The following CEACAM3 variants were observed in gnomAD, a reference collection of about 807,000 sequenced individuals.
The protein encoded by CEACAM3 is CEA cell adhesion molecule 3.
In CEACAM3, 32 loss-of-function variants were observed where a neutral mutation model predicts 30.1. That is an observed-to-expected ratio of 1.06 (90% CI 0.80 to 1.43). The LOEUF (loss-of-function observed/expected upper bound fraction) is 1.43. Among genes scored for constraint, CEACAM3 ranks in the 40% most tolerant of loss-of-function variants. The pLI is 0.00. For missense variants in CEACAM3, 290 were observed against 316.3 expected, an observed-to-expected ratio of 0.92 and a Z score of 0.63; for synonymous variants, 134 against 127.2, an observed-to-expected ratio of 1.05 and a Z score of -0.36.
chr19:41,810,366 C>T lies in CEACAM3; in HGVS notation c.627+12C>T. 6.3e-7 allele frequency: 1 copy of T among 1,595,574 alleles called. No individual in the cohort carries two copies. The highest frequency in any genetic ancestry group is 8.5e-7 in the Non-Finnish European group (1 of 1,171,438). ...GCTCTGCCTTCTCGGTAAGCCTGTC[C>T]CCTTCCAGCCCCTTTCTACTGGGGT... On this transcript the variant is annotated intron_variant, in intron 5 of 6. Transcript: ENST00000357396.
At chr19:41,809,011 A>AC in intron 3 of CEACAM3, 81 bp downstream of exon 3, 1 of 1,029,560 alleles carries the variant, frequency 9.7e-7, no homozygotes, top group Non-Finnish European at 1.4e-6. Flanking sequence ...TCCTGTATTC[A>AC]GGGCCAGGCT....
chr19:41,811,539 G>A lies in CEACAM3; in HGVS notation c.*302G>A. ...TCACTTGGAAAGGATCTGAATAAAG[G>A]GGACCCTTCCTCTCATTAGCTGTTT... On this transcript the variant is annotated 3_prime_UTR_variant, in exon 7 of 7. Transcript: ENST00000357396. 1 of 370,424 alleles carries A rather than the reference G, an allele frequency of 2.7e-6. No homozygotes were observed. Among genetic ancestry groups the A allele is most frequent in the Non-Finnish European group, 5.1e-6 (1 of 197,336 alleles). The allele number at this position is 370,424 out of a possible 1,614,324, so 22.9% of individuals were successfully genotyped here. A position where few individuals can be genotyped will look rare whatever the true frequency, so the allele number is the denominator to read the frequency against.
At chr19:41,809,226 A>T (rs1334064085) in intron 3 of CEACAM3, 1 of 175,108 alleles carries the variant, frequency 5.7e-6, no homozygotes, top group African/African-American at 2.5e-5. Flanking sequence ...GGAGGGAGGG[A>T]AGTAGGGAGG....
intron 3 of CEACAM3, 70 bp downstream of exon 3, chr19:41,809,000 G>A: frequency 8.5e-7 from 1 of 1,173,384 alleles, no homozygotes; most frequent in Non-Finnish European, 1.2e-6. Context: ...AGGAGACCTT[G>A]TCCTGTATTC....
intron 2 of CEACAM3, among the ~76,000 whole-genome samples, chr19:41,800,640 C>T (rs2073138361): frequency 6.6e-6 from 1 of 152,192 alleles, no homozygotes; most frequent in South Asian, 2.1e-4. Flanking sequence ...CTAAAAGTCT[C>T]TGATATGCAG....
At chr19:41,802,644 T>C (rs1439433135) in intron 2 of CEACAM3, among the ~76,000 whole-genome samples, 1 of 152,218 alleles carries the variant, frequency 6.6e-6, no homozygotes, top group African/African-American at 2.4e-5. Flanking sequence ...CTCCTAGAGC[T>C]ACCAGATTCT....
chr19:41,807,316 A>G (rs2073211244), intron 2 of CEACAM3: 1 of 1,608,064 alleles, frequency 6.2e-7, no homozygotes, highest in Non-Finnish European at 8.5e-7. Context: ...GGAATGACAC[A>G]GGACCCTATG....
At position 41,809,565 on chromosome 19, in the gene CEACAM3, G is replaced by A. The variant is rs181688903; in HGVS notation, c.543-400G>A. 8.9e-3 allele frequency: 1,629 copies of A among 183,716 alleles called. 13 individuals carry two copies. The highest frequency in any genetic ancestry group is 0.014 in the Non-Finnish European group (1,257 of 88,034). 11.4% of individuals were successfully genotyped at this position (183,716 alleles called of 1,614,324 possible). Reference sequence around the variant, plus strand: ...GAGTGCAGGGTCTGGCCACAGCAGGGACACTGAGTTCCAGGAGAATCCAAG... The same window carrying A: ...GAGTGCAGGGTCTGGCCACAGCAGGAACACTGAGTTCCAGGAGAATCCAAG... On this transcript the variant is annotated intron_variant, in intron 3 of 6. Coordinates refer to ENST00000357396, the MANE Select transcript of CEACAM3 (RefSeq NM_001815.5).
chr19:41,808,063 C>A (rs1469122142), intron 2 of CEACAM3, among the ~76,000 whole-genome samples: 1 of 152,172 alleles, frequency 6.6e-6, no homozygotes, highest in African/African-American at 2.4e-5. Flanking sequence ...GCCCTGAGCC[C>A]TGGGTAAAGC....
intron 2 of CEACAM3, among the ~76,000 whole-genome samples, chr19:41,805,237 C>G (rs1368147785): frequency 6.6e-6 from 1 of 151,836 alleles, no homozygotes; most frequent in African/African-American, 2.4e-5. Flanking sequence ...GAACAACTCC[C>G]TGCCAGCCCT....
intron 2 of CEACAM3, among the ~76,000 whole-genome samples, chr19:41,802,929 A>G (rs1360739218): frequency 6.6e-6 from 1 of 152,074 alleles, no homozygotes; most frequent in African/African-American, 2.4e-5. Flanking sequence ...CAGGCTGCAG[A>G]CCTCATCCAG....
At chr19:41,808,188 C>T (rs542171742) in intron 2 of CEACAM3, among the ~76,000 whole-genome samples, 9 of 152,360 alleles carry the variant, frequency 5.9e-5, no homozygotes, top group African/African-American at 2.2e-4. Flanking sequence ...GACCCCTCCT[C>T]CCCTTGTTGT....
At chr19:41,808,015 C>T (rs2073217387) in intron 2 of CEACAM3, among the ~76,000 whole-genome samples, 1 of 152,208 alleles carries the variant, frequency 6.6e-6, no homozygotes, top group Non-Finnish European at 1.5e-5. Flanking sequence ...ACAGTCAAGA[C>T]AATCACAGTC....
chr19:41,807,076 C>G (rs781912640), intron 2 of CEACAM3: 2 of 1,608,876 alleles, frequency 1.2e-6, no homozygotes, highest in Non-Finnish European at 1.7e-6. Flanking sequence ...TCACAGGTGC[C>G]ACACAGGGCA....
At position 41,797,960 on chromosome 19, in the gene CEACAM3, C is replaced by T. The variant is rs1555825498; in HGVS notation, c.424+12C>T. 1 of 1,584,922 alleles carries T rather than the reference C, an allele frequency of 6.3e-7. No individual in the cohort carries two copies. The highest frequency in any genetic ancestry group is 2.2e-5 in the East Asian group (1 of 44,728). On this transcript the variant is annotated intron_variant, in intron 2 of 6. Transcript: ENST00000357396. The stretch of plus-strand genomic sequence containing the variant: ...GTTCCATGTATACCGTGAGTATTTC[C>T]ACATGACCTCTGGGTGTTGGGGGTC...
chr19:41,804,729 CTTA>C (rs1555826489), intron 2 of CEACAM3, among the ~76,000 whole-genome samples: 2 of 152,110 alleles, frequency 1.3e-5, no homozygotes, highest in African/African-American at 4.8e-5. Context: ...AGACCTAAAC[CTTA>C]TTATGTTATC....
chr19:41,807,297 G>A (rs1185780422), intron 2 of CEACAM3: 2 of 1,608,344 alleles, frequency 1.2e-6, no homozygotes, highest in Non-Finnish European at 1.7e-6. Flanking sequence ...ACTCTACTCA[G>A]TGTCACAAGG....
At chr19:41,798,276 G>A (rs1329093028) in intron 2 of CEACAM3, among the ~76,000 whole-genome samples, 2 of 152,164 alleles carry the variant, frequency 1.3e-5, no homozygotes, top group Non-Finnish European at 2.9e-5. Flanking sequence ...ATCAGGGCCT[G>A]GCCTGAGGGG....
intron 2 of CEACAM3, among the ~76,000 whole-genome samples, chr19:41,805,649 C>T (rs545095344): frequency 1.5e-4 from 23 of 152,274 alleles, no homozygotes; most frequent in African/African-American, 5.3e-4. Context: ...TTCGTGGAAC[C>T]GTACAGTAGT....
Sources: allele counts gnomAD v4.1 joint callset (sites outside exome capture counted in the v4.1 genomes callset), GRCh38; gene constraint gnomAD v4.1.1; transcripts MANE v1.5; gene names NCBI Gene and HGNC (gene_info 2026-07-23, HGNC 2026-07-21).